Variants in CSF2RA observed in about 807,000 individuals in gnomAD.
The protein encoded by CSF2RA is granulocyte-macrophage colony-stimulating factor receptor subunit alpha.
Under a neutral mutation model 51.6 loss-of-function variants are expected in CSF2RA, and 42 were observed. The ratio of observed to expected loss-of-function variants is 0.81; its 90% CI spans 0.64 to 1.05. The LOEUF is 1.05. Among genes scored for constraint, CSF2RA ranks in the 50% least tolerant of loss-of-function variants. The pLI is 0.00. For synonymous variants in CSF2RA, 222 were observed against 193.0 expected (o/e 1.15, Z -1.24); for missense variants, 530 against 501.1 (o/e 1.06, Z -0.55).
At position 1,301,331 on chromosome X, in the gene CSF2RA, CAAAAAAAAAAA is replaced by C. The variant is rs1156943650; in HGVS notation, c.946+718_946+728del. ...TGGGTGACAGAGTGAGACTCTGTCT[CAAAAAAAAAAA>C]AAAAAAAAAAAAGAAAAAGTAGAAG... On this transcript the variant is annotated intron_variant, in intron 10 of 12. Coordinates refer to ENST00000381529, the MANE Select transcript of CSF2RA (RefSeq NM_172245.4). Among the ~76,000 whole-genome samples the C allele has an allele frequency of 5.3e-4, 33 of 62,708 alleles. No homozygotes were observed. The East Asian group carries it at 0.011, about 21-fold the overall frequency. 41.1% of individuals were successfully genotyped at this position (62,708 alleles called of 152,430 possible).
chrX:1,303,294 G>C (rs1161341173), intron 10 of CSF2RA: 4 of 431,930 alleles, frequency 9.3e-6, no homozygotes, highest in African/African-American at 2.0e-5. Flanking sequence ...GGAGTGCAAT[G>C]GCACAATCTC....
At chrX:1,307,628 T>TC (rs59240984) in intron 12 of CSF2RA, among the ~76,000 whole-genome samples, 3,896 of 76,524 alleles carry the variant, frequency 0.051, no homozygotes, top group African/African-American at 0.19. Context: ...AGGCCCACCC[T>TC]CCCCTTTATA....
chrX:1,298,991 T>C (rs1219806109), intron 9 of CSF2RA, among the ~76,000 whole-genome samples: 1 of 152,194 alleles, frequency 6.6e-6, no homozygotes, highest in Non-Finnish European at 1.5e-5. Flanking sequence ...TCTTGGTTTA[T>C]GGGACTCTTA....
the CSF2RA span, among the ~76,000 whole-genome samples, chrX:1,316,059 A>AATAGATAGATAG: frequency 9.8e-3 from 1,461 of 149,088 alleles, 5 homozygotes; most frequent in African/African-American, 0.02. Flanking sequence ...TAGATAGATC[A>AATAGATAGATAG]ATAGATAGAT....
rs150603886 is a variant in CSF2RA at position 1,309,444 on chromosome X, C to G, written c.1168C>G (p.Arg390Gly). The change falls in exon 13 of 13, where the codon CGC becomes GGC. Residue 390 changes from arginine (R) to glycine (G), a missense_variant. Physicochemically the swap from Arg to Gly is moderately radical, Grantham distance 125. Transcript: ENST00000381529. ...EFTPEEGKGYREEVLTVKEIT is the reference protein window; with the variant it reads ...EFTPEEGKGYGEEVLTVKEIT ...CACCCCAGAGGAAGGGAAAGGCTAC[C>G]GCGAAGAGGTCTTGACCGTGAAGGA... 1.7e-5 allele frequency: 27 copies of G among 1,613,824 alleles called. No homozygotes were observed. Among genetic ancestry groups the G allele is most frequent in the South Asian group, 2.2e-5 (2 of 91,080 alleles).
At chrX:1,314,185 G>C (rs1183551142), downstream of CSF2RA, among the ~76,000 whole-genome samples, 1 of 118,652 alleles carries the variant, frequency 8.4e-6, no homozygotes, top group Non-Finnish European at 1.7e-5. Context: ...TATTGGCTGA[G>C]AGGGAGCTTT....
the CSF2RA span, among the ~76,000 whole-genome samples, chrX:1,317,346 G>A: frequency 1.5e-5 from 2 of 129,472 alleles, no homozygotes; most frequent in African/African-American, 6.0e-5. Flanking sequence ...CCGCCTCCCG[G>A]GTTCCAGCGA....
At chrX:1,287,075 T>C (rs2090765936) in intron 4 of CSF2RA, 1 of 151,864 alleles carries the variant, frequency 6.6e-6, no homozygotes. Context: ...ATTGGAAGAT[T>C]GATAATCAAT....
chrX:1,302,899 T>C (rs2148635378), intron 10 of CSF2RA: 2 of 252,536 alleles, frequency 7.9e-6, no homozygotes, highest in South Asian at 1.8e-4. Flanking sequence ...TGAGACAGGG[T>C]CTCACTCTGT....
downstream of CSF2RA, among the ~76,000 whole-genome samples, chrX:1,313,425 C>A (rs1428963035): frequency 6.6e-6 from 1 of 150,776 alleles, no homozygotes; most frequent in Admixed American, 6.6e-5. Flanking sequence ...CAGAGAGGAG[C>A]TGTGGTCAGG....
At chrX:1,314,390 C>T (rs1320161677), downstream of CSF2RA, among the ~76,000 whole-genome samples, 4 of 149,992 alleles carry the variant, frequency 2.7e-5, no homozygotes, top group African/African-American at 9.9e-5. Flanking sequence ...TGTGCCTGCC[C>T]AACCACACTG....
At chrX:1,311,727 C>A (rs1485629022), downstream of CSF2RA, among the ~76,000 whole-genome samples, 1 of 152,180 alleles carries the variant, frequency 6.6e-6, no homozygotes, top group East Asian at 1.9e-4. Flanking sequence ...AGGCGTGAGC[C>A]ACCGCGTCCA....
chrX:1,321,400 C>T, the CSF2RA span, among the ~76,000 whole-genome samples: 3 of 151,788 alleles, frequency 2.0e-5, no homozygotes, highest in African/African-American at 4.8e-5. Flanking sequence ...ACCCGGGAGG[C>T]GGAGCTTGCA....
At chrX:1,271,434 G>A (rs111633823) in intron 1 of CSF2RA, among the ~76,000 whole-genome samples, 5,711 of 69,598 alleles carry the variant, frequency 0.082, 857 homozygotes, top group Non-Finnish European at 0.15. Context: ...CCACCTCCCG[G>A]GTTCAAGCAA....
chrX:1,275,463 G>A (rs1236594173), intron 2 of CSF2RA, among the ~76,000 whole-genome samples: 1 of 152,086 alleles, frequency 6.6e-6, no homozygotes, highest in Non-Finnish European at 1.5e-5. Flanking sequence ...AGGGAAAATA[G>A]TCTAAAGAGA....
chrX:1,300,045 G>T (rs1246898120), intron 9 of CSF2RA, among the ~76,000 whole-genome samples: 4 of 150,942 alleles, frequency 2.7e-5, no homozygotes, highest in Non-Finnish European at 5.9e-5. Context: ...GTGAAACCCC[G>T]TCTCCACTAA....
chrX:1,298,923 A>G (rs1365329266), intron 9 of CSF2RA, among the ~76,000 whole-genome samples: 1 of 151,806 alleles, frequency 6.6e-6, no homozygotes, highest in African/African-American at 2.4e-5. Flanking sequence ...TCTGCCCGAC[A>G]TACAGTTGAA....
the CSF2RA span, among the ~76,000 whole-genome samples, chrX:1,321,367 G>T: frequency 6.6e-6 from 1 of 152,046 alleles, no homozygotes; most frequent in East Asian, 1.9e-4. Flanking sequence ...TACTCGGGAG[G>T]CTGAGGCAGG....
the CSF2RA span, among the ~76,000 whole-genome samples, chrX:1,325,145 G>C: frequency 4.6e-5 from 7 of 151,148 alleles, no homozygotes; most frequent in Admixed American, 4.0e-4. Flanking sequence ...CGGATCAAGA[G>C]GTCGGGAGAT....
Sources: gnomAD v4.1 joint callset for allele counts (sites outside exome capture counted in the v4.1 genomes callset) on GRCh38, gnomAD v4.1.1 for gene constraint, MANE v1.5 for transcripts, NCBI Gene and HGNC (gene_info 2026-07-23, HGNC 2026-07-21) for gene names.